The following SVEP1 variants were observed in gnomAD, a reference collection of about 807,000 sequenced individuals.
SVEP1 encodes the protein sushi, von Willebrand factor type A, EGF and pentraxin domain-containing protein 1.
Under a neutral mutation model 367.3 loss-of-function variants are expected in SVEP1, and 164 were observed. The ratio of observed to expected loss-of-function variants is 0.45; its 90% CI spans 0.39 to 0.51. The LOEUF is 0.51. SVEP1 is among the 20% of genes least tolerant of loss of function. SVEP1 has a pLI of 0.00. For missense variants in SVEP1, 4,117 were observed against 4,425.3 expected (o/e 0.93, Z 1.98); for synonymous variants, 1,666 against 1,611.6 (o/e 1.03, Z -0.81).
intron 20 of SVEP1, among the ~76,000 whole-genome samples, chr9:110,457,940 G>A (rs1184881770): frequency 6.6e-6 from 1 of 152,162 alleles, no homozygotes; most frequent in Admixed American, 6.5e-5. Flanking sequence ...AGTAATGACT[G>A]AATCTATTAA....
At chr9:110,367,803 A>G (rs1225825781) in intron 47 of SVEP1, among the ~76,000 whole-genome samples, 1 of 152,122 alleles carries the variant, frequency 6.6e-6, no homozygotes, top group Non-Finnish European at 1.5e-5. Flanking sequence ...TGTCCTGGCC[A>G]GGCACGGTGG....
chr9:110,437,600 C>T (rs1233397260), intron 27 of SVEP1, among the ~76,000 whole-genome samples: 1 of 152,120 alleles, frequency 6.6e-6, no homozygotes, highest in African/African-American at 2.4e-5. Context: ...TAGAAGTGAT[C>T]CCAAGATTCT....
intron 11 of SVEP1, among the ~76,000 whole-genome samples, 194 bp downstream of exon 11, chr9:110,482,167 A>G (rs1438456813): frequency 6.6e-6 from 1 of 152,236 alleles, no homozygotes; most frequent in Non-Finnish European, 1.5e-5. Flanking sequence ...TTAACTAAAG[A>G]CTGTTCTGGG....
At chr9:110,528,150 GTGTGTGTA>G (rs796614208) in intron 3 of SVEP1, among the ~76,000 whole-genome samples, 2,308 of 42,606 alleles carry the variant, frequency 0.054, 27 homozygotes, top group East Asian at 0.092. Flanking sequence ...GTGTGTGTGT[GTGTGTGTA>G]TATATATATA....
In SVEP1 at chr9:110,508,760, CAAAAAAAAAAAAAA is replaced by C. The variant is rs11316319; in HGVS notation, c.1303+4152_1303+4165del. On this transcript the variant is annotated intron_variant, in intron 5 of 47. Coordinates refer to ENST00000374469, the MANE Select transcript of SVEP1 (RefSeq NM_153366.4). The stretch of plus-strand genomic sequence containing the variant: ...TAGGTAACAGAGCGAGACTCCATCT[CAAAAAAAAAAAAAA>C]AAAAAAAAAGAAAGAAAGAAATGCA... 3.2e-3 allele frequency among the ~76,000 whole-genome samples: 247 copies of C among 76,502 alleles called. 2 individuals carry two copies. The highest frequency in any genetic ancestry group is 0.013 in the African/African-American group (236 of 18,876). The allele number at this position is 76,502 out of a possible 152,430, so 50.2% of individuals were successfully genotyped here.
rs1289701579 is a variant in SVEP1 at position 110,369,953 on chromosome 9, A to G, written c.10664T>C (p.Leu3555Pro). ...ACAGTTATGTCCCGTCCAAGAAGAA[A>G]GACAGTGACATCGGTTTGGTCTTAC... ...KCVRPNRCHC[L>P]SSWTGHNCSR... Residue 3555 changes from leucine to proline, a missense_variant, in exon 47 of 48, where the codon CTT becomes CCT. Around this residue, in one of 4 missense-constraint regions of SVEP1, gnomAD observed 1,765 missense variants for 1,781.1 expected, o/e 0.99. Transcript: ENST00000374469. 8 of 1,613,370 alleles carry G rather than the reference A, an allele frequency of 5.0e-6. No homozygotes were observed. In the South Asian group the frequency reaches 8.8e-5, roughly 18 times the overall value.
intron 3 of SVEP1, among the ~76,000 whole-genome samples, chr9:110,518,635 C>T (rs912472100): frequency 2.0e-5 from 3 of 152,122 alleles, no homozygotes; most frequent in African/African-American, 7.2e-5. Context: ...TGGTTATCGG[C>T]TCTCTGACCT....
Position 110,408,103 on chromosome 9 carries a change from C to T in SVEP1, c.7497G>A (p.Leu2499=), listed in dbSNP as rs1335517228. 4 of 1,613,900 alleles carry T rather than the reference C, an allele frequency of 2.5e-6. No homozygotes were observed. The East Asian group carries it at 6.7e-5, about 27-fold the overall frequency. Residue 2499 remains leucine, a synonymous_variant, in exon 38 of 48, where the codon CTG becomes CTA. Coordinates refer to ENST00000374469, the MANE Select transcript of SVEP1 (RefSeq NM_153366.4). Reference sequence around the variant, plus strand: ...TGCCATTCAAAATCTCCTTGGGTTTCAGGCACTCAATGGCTTTACATGTTG... The same window carrying T: ...TGCCATTCAAAATCTCCTTGGGTTTTAGGCACTCAATGGCTTTACATGTTG... ...GKPTCKAIEC[L]KPKEILNGKF...
chr9:110,429,882 A>T (rs565101290), intron 34 of SVEP1, 38 bp downstream of exon 34: 1 of 1,567,950 alleles, frequency 6.4e-7, no homozygotes, highest in Non-Finnish European at 8.8e-7. Flanking sequence ...TATGCCATCA[A>T]CATCTTCTAC....
At position 110,515,862 on chromosome 9, in the gene SVEP1, T is replaced by A. The variant is rs1022202408; in HGVS notation, c.965-1756A>T. ...GACTGTTCTATATATTTTATAAATA[T>A]TAACTTGTTAACTTCCTAATACCTT... On this transcript the variant is annotated intron_variant, in intron 3 of 47. Transcript: ENST00000374469. Among the ~76,000 whole-genome samples the A allele has an allele frequency of 5.3e-5, 8 of 152,230 alleles. No homozygotes were observed. The Middle Eastern group carries it at 0.014, about 259-fold the overall frequency.
intron 1 of SVEP1, among the ~76,000 whole-genome samples, chr9:110,560,741 C>T (rs1168036238): frequency 6.6e-6 from 1 of 152,100 alleles, no homozygotes; most frequent in Non-Finnish European, 1.5e-5. Flanking sequence ...ATCTATGGTG[C>T]CTTCTTTCTG....
intron 1 of SVEP1, among the ~76,000 whole-genome samples, chr9:110,572,659 C>T (rs536433286): frequency 1.3e-5 from 2 of 151,932 alleles, no homozygotes; most frequent in South Asian, 2.1e-4. Flanking sequence ...CCCAGGAGTT[C>T]GAGACCAGCT....
chr9:110,451,282 A>G lies in SVEP1; in HGVS notation c.3901+7T>C. ...AAGACAACATAGGAAGACTGGAAAC[A>G]TCTTACCTACAAATCCTTTCACACA... On this transcript the variant is annotated splice_region_variant and intron_variant, in intron 23 of 47. Coordinates refer to ENST00000374469, the MANE Select transcript of SVEP1 (RefSeq NM_153366.4). 1 of 1,609,894 alleles carries G rather than the reference A, an allele frequency of 6.2e-7. No homozygotes were observed. The highest frequency in any genetic ancestry group is 8.5e-7 in the Non-Finnish European group (1 of 1,176,340).
At chr9:110,529,525 C>G (rs1304784478) in intron 3 of SVEP1, among the ~76,000 whole-genome samples, 1 of 151,900 alleles carries the variant, frequency 6.6e-6, no homozygotes, top group Non-Finnish European at 1.5e-5. Context: ...TTTGTGTCAT[C>G]TATGGTTTCT....
At chr9:110,504,356 G>C (rs968513658) in intron 5 of SVEP1, among the ~76,000 whole-genome samples, 1 of 152,018 alleles carries the variant, frequency 6.6e-6, no homozygotes, top group Non-Finnish European at 1.5e-5. Flanking sequence ...CACCGCACCC[G>C]CCCTTGGAAA....
At chr9:110,534,620 T>C (rs527965500) in intron 3 of SVEP1, among the ~76,000 whole-genome samples, 2 of 152,324 alleles carry the variant, frequency 1.3e-5, no homozygotes, top group East Asian at 1.9e-4. Context: ...CCACAATGGT[T>C]GAACTAATTT....
chr9:110,372,803 CAAGT>C (rs1285040428), intron 46 of SVEP1, among the ~76,000 whole-genome samples: 1 of 152,124 alleles, frequency 6.6e-6, no homozygotes, highest in Non-Finnish European at 1.5e-5. Context: ...GGTAGGATAA[CAAGT>C]GAGTTGTGCT....
chr9:110,494,397 CTCT>C (rs1564158677), intron 8 of SVEP1, among the ~76,000 whole-genome samples: 1 of 152,168 alleles, frequency 6.6e-6, no homozygotes. Flanking sequence ...GACAGCAAGA[CTCT>C]TCTTTTTAAT....
intron 39 of SVEP1, among the ~76,000 whole-genome samples, chr9:110,402,758 A>G (rs1003459075): frequency 6.6e-6 from 1 of 152,182 alleles, no homozygotes; most frequent in African/African-American, 2.4e-5. Flanking sequence ...AGTTTCCTCT[A>G]AAACTTCTTC....
Sources: allele counts gnomAD v4.1 joint callset (sites outside exome capture counted in the v4.1 genomes callset), GRCh38; gene constraint gnomAD v4.1.1; regional missense constraint gnomAD v4.1.1; transcripts MANE v1.5; gene names NCBI Gene and HGNC (gene_info 2026-07-23, HGNC 2026-07-21).